The following SETD7 variants were observed in gnomAD, a reference collection of about 807,000 sequenced individuals.
SETD7 encodes SET domain containing 7, histone lysine methyltransferase.
A neutral mutation model predicts 41.8 loss-of-function variants in SETD7; 16 were observed. The ratio of observed to expected loss-of-function variants is 0.38; its 90% CI spans 0.26 to 0.58. SETD7 has a LOEUF of 0.58. Among genes scored for constraint, SETD7 ranks in the 20% least tolerant of loss-of-function variants. The pLI, the probability that SETD7 is intolerant of heterozygous loss-of-function variation, is 0.64. For synonymous variants in SETD7, 163 were observed against 169.7 expected, an observed-to-expected ratio of 0.96 and a Z score of 0.31; for missense variants, 346 against 459.7, an observed-to-expected ratio of 0.75 and a Z score of 2.26.
At chr4:139,519,257 A>T (rs1367799981) in intron 6 of SETD7, among the ~76,000 whole-genome samples, 1 of 152,258 alleles carries the variant, frequency 6.6e-6, no homozygotes, top group East Asian at 1.9e-4. Flanking sequence ...ACATTCATTT[A>T]TACAATAGAG....
rs1313567682 is a variant in SETD7 at position 139,555,201 on chromosome 4, GT to G, written c.40+896del. ...AACTAACAAAAAAAAAAAAAAAAAG[GT>G]GGAGAAACTCAGCAAAACAAAGTGG... On this transcript the variant is annotated intron_variant, in intron 1 of 7. Transcript: ENST00000274031. The surrounding 1 kb of genome is among the most constrained non-coding windows in gnomAD (Gnocchi z 4.0). Among the ~76,000 whole-genome samples the G allele has an allele frequency of 1.3e-5, 2 of 149,822 alleles. No homozygotes were observed. Among genetic ancestry groups the G allele is most frequent in the African/African-American group, 4.9e-5 (2 of 40,598 alleles).
chr4:139,517,111 G>A (rs922449550), intron 7 of SETD7, among the ~76,000 whole-genome samples: 2 of 152,142 alleles, frequency 1.3e-5, no homozygotes, highest in African/African-American at 4.8e-5. Flanking sequence ...TGATTTTATA[G>A]GTCTTTTCCA....
At chr4:139,503,039 A>G (rs6536215), downstream of SETD7, among the ~76,000 whole-genome samples, 59,814 of 151,508 alleles carry the variant, frequency 0.39, 12,420 homozygotes, top group African/African-American at 0.52. Flanking sequence ...TTAGCGGGGC[A>G]TGGCAGCATG....
chr4:139,523,019 G>T (rs553480019), intron 5 of SETD7, among the ~76,000 whole-genome samples: 1 of 152,224 alleles, frequency 6.6e-6, no homozygotes, highest in South Asian at 2.1e-4. Context: ...CTCCCAAAAT[G>T]CTGGGACTGC....
At chr4:139,524,975 C>G (rs942569486) in intron 4 of SETD7, among the ~76,000 whole-genome samples, 1 of 152,160 alleles carries the variant, frequency 6.6e-6, no homozygotes, top group Non-Finnish European at 1.5e-5. Flanking sequence ...TGTCACCATG[C>G]CTGGCTAATT....
chr4:139,537,974 A>T (rs1727683360), intron 2 of SETD7, among the ~76,000 whole-genome samples: 1 of 152,234 alleles, frequency 6.6e-6, no homozygotes, highest in Admixed American at 6.5e-5. Context: ...AATAAAGAGC[A>T]GCTATTATTA....
At chr4:139,513,595 T>A (rs1447276396) in intron 7 of SETD7, among the ~76,000 whole-genome samples, 3 of 152,188 alleles carry the variant, frequency 2.0e-5, no homozygotes, top group Admixed American at 1.3e-4. Flanking sequence ...ATGTCCACCC[T>A]CTTGGGTATC....
rs550165985 is a variant in SETD7 at position 139,549,115 on chromosome 4, C to T, written c.41-2066G>A. ...AAATTTAGGCATATAAATTCAGTGT[C>T]CTACTTTTGATTTAGGTATTAATAT... On this transcript the variant is annotated intron_variant, in intron 1 of 7. Coordinates refer to ENST00000274031, the MANE Select transcript of SETD7 (RefSeq NM_030648.4). Among the ~76,000 whole-genome samples, 26 of 152,124 alleles carry T rather than the reference C, an allele frequency of 1.7e-4. 2 individuals carry two copies. The South Asian group carries it at 5.4e-3, about 32-fold the overall frequency.
downstream of SETD7, among the ~76,000 whole-genome samples, chr4:139,502,634 TGGCAAA>T (rs1726608128): frequency 2.0e-5 from 3 of 152,166 alleles, no homozygotes; most frequent in South Asian, 6.2e-4. Flanking sequence ...ACACAGACAG[TGGCAAA>T]GCCGGGTGAA....
Position 139,529,289 on chromosome 4 carries a change from T to A in SETD7, c.373-69A>T, listed in dbSNP as rs1727416842. 5 of 1,326,018 alleles carry A rather than the reference T, an allele frequency of 3.8e-6. No homozygotes were observed. In the East Asian group the frequency reaches 1.2e-4, roughly 31 times the overall value. 82.1% of individuals were successfully genotyped at this position (1,326,018 alleles called of 1,614,324 possible). A position where few individuals can be genotyped will look rare whatever the true frequency, so the allele number is the denominator to read the frequency against. Reference sequence around the variant, plus strand: ...GTCTAGGACATGAGTCCCAAGAAATTTCTCTTCTGCAGTCCCATTATTAAT... The same window carrying A: ...GTCTAGGACATGAGTCCCAAGAAATATCTCTTCTGCAGTCCCATTATTAAT... On this transcript the variant is annotated intron_variant, in intron 3 of 7. Transcript: ENST00000274031.
chr4:139,517,861 C>T, intron 7 of SETD7, 24 bp downstream of exon 7: 1 of 1,600,034 alleles, frequency 6.2e-7, no homozygotes, highest in Non-Finnish European at 8.5e-7. Flanking sequence ...TAGATCCGCC[C>T]CAGCAGCTCT....
Position 139,509,976 on chromosome 4 carries a change from G to T in SETD7, c.*1687C>A. On this transcript the variant is annotated 3_prime_UTR_variant, in exon 8 of 8. Transcript: ENST00000274031. Reference sequence around the variant, plus strand: ...CTAGGAAGCCTGGTGTTGCAAAGAAGGGAAGGGCAACTCTGTCAATGTGCC... The same window carrying T: ...CTAGGAAGCCTGGTGTTGCAAAGAATGGAAGGGCAACTCTGTCAATGTGCC... 1.3e-6 allele frequency: 1 copy of T among 758,694 alleles called. No homozygotes were observed. The highest frequency in any genetic ancestry group is 1.6e-6 in the Non-Finnish European group (1 of 622,828). 47.0% of individuals were successfully genotyped at this position (758,694 alleles called of 1,614,324 possible).
At chr4:139,522,057 A>G (rs1243930761) in intron 5 of SETD7, among the ~76,000 whole-genome samples, 2 of 152,242 alleles carry the variant, frequency 1.3e-5, no homozygotes, top group African/African-American at 2.4e-5. Context: ...CACAACAATA[A>G]TAACAGAAAA....
chr4:139,509,805 T>C lies in SETD7; in HGVS notation c.*1858A>G, dbSNP rs529869298. 175 of 985,468 alleles carry C rather than the reference T, an allele frequency of 1.8e-4. No homozygotes were observed. In the Middle Eastern group the frequency reaches 2.1e-3, roughly 12 times the overall value. The allele number at this position is 985,468 out of a possible 1,614,324, so 61.0% of individuals were successfully genotyped here. A position where few individuals can be genotyped will look rare whatever the true frequency, so the allele number is the denominator to read the frequency against. On this transcript the variant is annotated 3_prime_UTR_variant, in exon 8 of 8. Transcript: ENST00000274031. Reference sequence around the variant, plus strand: ...CTGGTGCCTTTAAATCTAAAAACTATTCAGTTCCTTTGGTGGGCAATCTTC... The same window carrying C: ...CTGGTGCCTTTAAATCTAAAAACTACTCAGTTCCTTTGGTGGGCAATCTTC...
intron 5 of SETD7, among the ~76,000 whole-genome samples, chr4:139,523,000 C>A (rs928584910): frequency 6.6e-6 from 1 of 151,982 alleles, no homozygotes; most frequent in Non-Finnish European, 1.5e-5. Context: ...GTGATCCGCC[C>A]GCCTTGGCCT....
intron 5 of SETD7, 35 bp downstream of exon 5, chr4:139,523,318 TA>T (rs770366886): frequency 6.7e-7 from 1 of 1,485,862 alleles, no homozygotes; most frequent in African/African-American, 1.4e-5. Flanking sequence ...TAACCTCACA[TA>T]AACAGTGCAA....
At position 139,506,791 on chromosome 4, in the gene SETD7, A is replaced by T. The variant is rs1579197898; in HGVS notation, c.*4872T>A. The T allele has an allele frequency of 6.6e-6, 1 of 152,634 alleles. No individual in the cohort carries two copies. Among genetic ancestry groups the T allele is most frequent in the Admixed American group, 6.5e-5 (1 of 15,278 alleles). The allele number at this position is 152,634 out of a possible 1,614,324, so 9.5% of individuals were successfully genotyped here. ...ATAAGAGTCAGGAGAGTTGGGAGGT[A>T]TGTCCTAGGGATGTGATTGACTCTT... On this transcript the variant is annotated 3_prime_UTR_variant, in exon 8 of 8. Coordinates refer to ENST00000274031, the MANE Select transcript of SETD7 (RefSeq NM_030648.4).
intron 3 of SETD7, among the ~76,000 whole-genome samples, chr4:139,530,355 C>CTT (rs1727447711): frequency 1.8e-5 from 1 of 56,824 alleles, no homozygotes; most frequent in African/African-American, 5.5e-5. Flanking sequence ...CCAAATGCTG[C>CTT]CTTTTTTTTT....
chr4:139,533,459 T>A, intron 2 of SETD7, 93 bp from the exon 3 acceptor site: 1 of 1,095,672 alleles, frequency 9.1e-7, no homozygotes, highest in African/African-American at 1.6e-5. Flanking sequence ...CATGCCCAGC[T>A]GTGTCAGCCC....
Sources: gnomAD v4.1 joint callset for allele counts (sites outside exome capture counted in the v4.1 genomes callset) on GRCh38, gnomAD v4.1.1 for gene constraint, Gnocchi (gnomAD v3.1) non-coding constraint, MANE v1.5 for transcripts, NCBI Gene and HGNC (gene_info 2026-07-23, HGNC 2026-07-21) for gene names.